The following KAZN variants were observed in gnomAD, a reference collection of about 807,000 sequenced individuals.
KAZN encodes the protein kazrin.
Under a neutral mutation model 87.4 loss-of-function variants are expected in KAZN, and 40 were observed. That is an observed-to-expected ratio of 0.46 (90% CI 0.36 to 0.60). The LOEUF (loss-of-function observed/expected upper bound fraction) is 0.60, where lower values mean the gene tolerates loss of function less well. KAZN is among the 20% of genes least tolerant of loss of function. The probability of loss-of-function intolerance (pLI) is 0.00; values close to 1 mark genes in which losing one functional copy is unlikely to be tolerated. For synonymous variants in KAZN, 466 were observed against 458.3 expected (o/e 1.02, Z -0.22); for missense variants, 898 against 1,073.9 (o/e 0.84, Z 2.29).
chr1:15,022,161 C>T (rs375112921), intron 2 of KAZN, among the ~76,000 whole-genome samples: 39 of 152,258 alleles, frequency 2.6e-4, no homozygotes, highest in East Asian at 1.4e-3. Context: ...GGCAGAGGCT[C>T]TCCAGATGGC....
At chr1:14,028,077 G>A (rs1396585502) in intron 1 of KAZN, among the ~76,000 whole-genome samples, 6 of 152,196 alleles carry the variant, frequency 3.9e-5, no homozygotes, top group Non-Finnish European at 5.9e-5. Context: ...AGCTTAGTGT[G>A]AGCCTTGCTA....
At chr1:15,105,457 T>C (rs964809091) in intron 13 of KAZN, among the ~76,000 whole-genome samples, 3 of 152,222 alleles carry the variant, frequency 2.0e-5, no homozygotes, top group African/African-American at 7.2e-5. Context: ...ATGCAGTTGA[T>C]CATATAATTT....
chr1:14,052,285 C>A (rs1642372506), intron 1 of KAZN, among the ~76,000 whole-genome samples: 1 of 152,214 alleles, frequency 6.6e-6, no homozygotes, highest in Non-Finnish European at 1.5e-5. Flanking sequence ...AAGGCATTAA[C>A]CTTTTTGAGT....
rs996729536 is a variant in KAZN at position 14,820,983 on chromosome 1, C to T, written c.227-139701C>T. ...CGTGGTCTGTTCTGTGATGGATTGT[C>T]GGGAGAAACGGGAGCGTGTGAGGAA... is the stretch of plus-strand genomic sequence containing the variant. On this transcript the variant is annotated intron_variant, in intron 1 of 14. Transcript: ENST00000376030. The surrounding 1 kb of genome is among the most constrained non-coding windows in gnomAD (Gnocchi z 4.1). Among the ~76,000 whole-genome samples the T allele has an allele frequency of 6.6e-6, 1 of 152,018 alleles. No individual in the cohort carries two copies. Among genetic ancestry groups the T allele is most frequent in the African/African-American group, 2.4e-5 (1 of 41,364 alleles).
At position 13,923,881 on chromosome 1, in the gene KAZN, G is replaced by A. The variant is rs78461630; in HGVS notation, c.91+30125G>A. Among the ~76,000 whole-genome samples, 397 of 152,294 alleles carry A rather than the reference G, an allele frequency of 2.6e-3. 1 individual carries two copies. The highest frequency in any genetic ancestry group is 9.3e-3 in the African/African-American group (387 of 41,558). ...CTAGGAAATGTCCAGTTGATGTATA[G>A]TTAAATCCTAGGATTTGCTGATGGA... On this transcript the variant is annotated intron_variant, in intron 1 of 16. Coordinates refer to the KAZN transcript ENST00000636203.
intron 2 of KAZN, among the ~76,000 whole-genome samples, chr1:14,277,383 C>T (rs948460158): frequency 5.9e-5 from 9 of 152,014 alleles, no homozygotes; most frequent in Non-Finnish European, 1.3e-4. Flanking sequence ...ACAACAGTAA[C>T]GGCCAGGCGC....
chr1:14,552,772 T>C (rs1015956612), intron 2 of KAZN, among the ~76,000 whole-genome samples: 1 of 152,186 alleles, frequency 6.6e-6, no homozygotes, highest in African/African-American at 2.4e-5. Flanking sequence ...CTATTTACCA[T>C]GAGTCAGGCA....
intron 13 of KAZN, among the ~76,000 whole-genome samples, chr1:15,109,300 A>C (rs1199392331): frequency 1.3e-5 from 2 of 152,066 alleles, no homozygotes; most frequent in African/African-American, 4.8e-5. Context: ...TGGGAGGATC[A>C]CCTGAGCCCA....
intron 1 of KAZN, among the ~76,000 whole-genome samples, chr1:14,827,456 G>A (rs1646926457): frequency 6.6e-6 from 1 of 152,088 alleles, no homozygotes; most frequent in African/African-American, 2.4e-5. Context: ...TCATTCTTAG[G>A]CCTTTGCGTC....
chr1:14,626,100 C>T (rs1365522432), intron 1 of KAZN, among the ~76,000 whole-genome samples: 1 of 152,190 alleles, frequency 6.6e-6, no homozygotes, highest in Non-Finnish European at 1.5e-5. Flanking sequence ...GGTGGGGCTG[C>T]GGAATTCTGG....
intron 1 of KAZN, among the ~76,000 whole-genome samples, chr1:14,909,721 C>T (rs1043142686): frequency 1.3e-5 from 2 of 152,214 alleles, no homozygotes; most frequent in African/African-American, 4.8e-5. Context: ...TCCTTCCAAC[C>T]ACAGTGCTTT....
chr1:15,102,069 A>T (rs1180195335), intron 11 of KAZN, among the ~76,000 whole-genome samples: 1 of 152,142 alleles, frequency 6.6e-6, no homozygotes, highest in Non-Finnish European at 1.5e-5. Context: ...GGGAGCCCTC[A>T]TCCTTGGAGA....
chr1:14,326,131 A>G (rs1229367366), intron 2 of KAZN, among the ~76,000 whole-genome samples: 1 of 152,128 alleles, frequency 6.6e-6, no homozygotes, highest in Non-Finnish European at 1.5e-5. Context: ...TGAGTGTCTC[A>G]TGGTCATCTC....
chr1:14,966,489 A>G (rs1388793801), intron 2 of KAZN, among the ~76,000 whole-genome samples: 3 of 152,088 alleles, frequency 2.0e-5, no homozygotes, highest in Non-Finnish European at 4.4e-5. Context: ...TAATAGTTGG[A>G]GAAGGAAGGA....
At chr1:14,816,505 G>A (rs542631407) in intron 1 of KAZN, among the ~76,000 whole-genome samples, 1 of 152,266 alleles carries the variant, frequency 6.6e-6, no homozygotes, top group South Asian at 2.1e-4. Flanking sequence ...ATGGTTCTTT[G>A]CCCTCAGGGC....
At chr1:14,002,096 T>C (rs1187510885) in intron 1 of KAZN, among the ~76,000 whole-genome samples, 2 of 152,220 alleles carry the variant, frequency 1.3e-5, no homozygotes, top group African/African-American at 4.8e-5. Context: ...TTTTGCAATC[T>C]ACCCATCTGA....
chr1:14,688,737 T>C (rs754706427), intron 1 of KAZN, among the ~76,000 whole-genome samples: 5 of 152,270 alleles, frequency 3.3e-5, no homozygotes, highest in Non-Finnish European at 5.9e-5. Flanking sequence ...CCAAGGACAC[T>C]GAATGGTCAG....
In KAZN at chr1:14,219,357, C is replaced by T. The variant is rs186785405; in HGVS notation, c.249+38765C>T. On this transcript the variant is annotated intron_variant, in intron 2 of 16. Transcript: ENST00000636203. ...CAGATTTCTTTGTCTTGATTTGGGTCATGGTTACAAAGTGTTGACCTTATA... is the reference window on the plus strand; with the variant it reads ...CAGATTTCTTTGTCTTGATTTGGGTTATGGTTACAAAGTGTTGACCTTATA... 1.2e-4 allele frequency among the ~76,000 whole-genome samples: 19 copies of T among 152,168 alleles called. No homozygotes were observed. The East Asian group carries it at 3.3e-3, about 26-fold the overall frequency.
At position 14,769,140 on chromosome 1, in the gene KAZN, T is replaced by C. The variant is rs1644957877; in HGVS notation, c.226+169917T>C. Among the ~76,000 whole-genome samples the C allele has an allele frequency of 6.6e-6, 1 of 152,156 alleles. No individual in the cohort carries two copies. On this transcript the variant is annotated intron_variant, in intron 1 of 14. Transcript: ENST00000376030. This position sits in a 1 kb window ranked among gnomAD's most constrained non-coding sequence, Gnocchi z 4.1. ...TTCACAGTGGTTGGAGCCAAGCCCA[T>C]CAAGGCCAGCAGCAGGAAGCAGAGC...
Sources: gnomAD v4.1 joint callset for allele counts (sites outside exome capture counted in the v4.1 genomes callset) on GRCh38, gnomAD v4.1.1 for gene constraint, Gnocchi (gnomAD v3.1) non-coding constraint, MANE v1.5 for transcripts, NCBI Gene and HGNC (gene_info 2026-07-23, HGNC 2026-07-21) for gene names.